Variants in RNF150 observed in about 807,000 individuals in gnomAD.
RNF150 encodes ring finger protein 150.
A neutral mutation model predicts 39.3 loss-of-function variants in RNF150; 24 were observed. The ratio of observed to expected loss-of-function variants is 0.61; its 90% CI spans 0.44 to 0.86. The LOEUF (loss-of-function observed/expected upper bound fraction) is 0.86. Ranked by LOEUF, RNF150 falls within the 40% of genes least tolerant of loss-of-function variation. The pLI is 0.00. For missense variants in RNF150, 502 were observed against 587.8 expected, an observed-to-expected ratio of 0.85 and a Z score of 1.51; for synonymous variants, 255 against 227.3, an observed-to-expected ratio of 1.12 and a Z score of -1.10.
chr4:140,875,358 A>G (rs1031569969), intron 6 of RNF150, among the ~76,000 whole-genome samples: 1 of 151,844 alleles, frequency 6.6e-6, no homozygotes, highest in Non-Finnish European at 1.5e-5. Flanking sequence ...ATTTTTTTTC[A>G]TACAGATGGA....
chr4:141,001,160 T>G (rs1292245049), intron 1 of RNF150, among the ~76,000 whole-genome samples: 1 of 152,166 alleles, frequency 6.6e-6, no homozygotes, highest in Non-Finnish European at 1.5e-5. Flanking sequence ...ATCTTCTCAT[T>G]TATGCCTATC....
At chr4:140,990,674 T>G (rs1259920830) in intron 1 of RNF150, among the ~76,000 whole-genome samples, 1 of 152,234 alleles carries the variant, frequency 6.6e-6, no homozygotes, top group Admixed American at 6.5e-5. Flanking sequence ...TCTCGTTCCT[T>G]TTTATGGCTA....
intron 1 of RNF150, among the ~76,000 whole-genome samples, chr4:141,130,763 T>C (rs890415132): frequency 2.7e-5 from 4 of 149,784 alleles, no homozygotes; most frequent in Non-Finnish European, 5.9e-5. Flanking sequence ...TTAAGTAACA[T>C]GTTTATCTAA....
At chr4:141,199,968 G>A (rs28527364) in intron 1 of RNF150, among the ~76,000 whole-genome samples, 2,076 of 152,114 alleles carry the variant, frequency 0.014, 41 homozygotes, top group African/African-American at 0.044. Flanking sequence ...ACATATATAT[G>A]TGCATATATA....
intron 1 of RNF150, among the ~76,000 whole-genome samples, chr4:140,980,599 G>A (rs1325809125): frequency 6.6e-6 from 1 of 152,002 alleles, no homozygotes; most frequent in African/African-American, 2.4e-5. Flanking sequence ...TGAATCATGT[G>A]GGCAGTTTCC....
chr4:141,045,469 T>C (rs918070247), intron 1 of RNF150, among the ~76,000 whole-genome samples: 2 of 152,220 alleles, frequency 1.3e-5, no homozygotes, highest in Admixed American at 1.3e-4. Context: ...ACAGGTTTAC[T>C]GACTCTTTTA....
intron 1 of RNF150, among the ~76,000 whole-genome samples, chr4:141,046,394 A>G (rs1736577541): frequency 6.6e-6 from 1 of 152,172 alleles, no homozygotes; most frequent in South Asian, 2.1e-4. Context: ...GTTTGGGGCA[A>G]GTTATGTAAA....
At chr4:141,194,927 A>G (rs1459212856) in intron 1 of RNF150, among the ~76,000 whole-genome samples, 1 of 152,206 alleles carries the variant, frequency 6.6e-6, no homozygotes, top group East Asian at 1.9e-4. Context: ...CATGAGGATT[A>G]AATGAGTTAA....
chr4:141,073,419 C>T (rs529757269), intron 1 of RNF150, among the ~76,000 whole-genome samples: 87 of 152,154 alleles, frequency 5.7e-4, no homozygotes, highest in Non-Finnish European at 1.0e-3. Context: ...TATCTGCTTT[C>T]TGAGATCCCT....
chr4:141,023,213 A>G (rs1045789632), intron 1 of RNF150, among the ~76,000 whole-genome samples: 4 of 145,592 alleles, frequency 2.7e-5, no homozygotes, highest in African/African-American at 1.0e-4. Flanking sequence ...CACATAAAAA[A>G]GAAACTGGTG....
intron 1 of RNF150, among the ~76,000 whole-genome samples, chr4:141,121,206 C>T (rs1446671046): frequency 6.6e-6 from 1 of 152,130 alleles, no homozygotes; most frequent in Non-Finnish European, 1.5e-5. Context: ...TTCCTGAGCT[C>T]CCAGACCCTC....
intron 1 of RNF150, among the ~76,000 whole-genome samples, chr4:141,056,286 A>T (rs1393458528): frequency 1.3e-5 from 2 of 152,168 alleles, no homozygotes; most frequent in Non-Finnish European, 2.9e-5. Flanking sequence ...CTGTAACCCT[A>T]GCCCTTTCGG....
rs113623627 is a variant in RNF150, at chr4:141,132,313, T to C, written c.484+12A>G. The C allele has an allele frequency of 1.5e-5, 24 of 1,553,602 alleles. 1 individual carries two copies. Among genetic ancestry groups the C allele is most frequent in the Non-Finnish European group, 2.1e-5 (24 of 1,147,770 alleles). On this transcript the variant is annotated intron_variant, in intron 1 of 6. Transcript: ENST00000515673. This position sits in a 1 kb window ranked among gnomAD's most constrained non-coding sequence, Gnocchi z 4.9. ...GCCGGCTCCCCTCCCCCGCGCCCGC[T>C]GGGCCACTCACCCGCGTGGGGCATG...
intron 1 of RNF150, among the ~76,000 whole-genome samples, chr4:140,995,499 G>A (rs1028649356): frequency 2.6e-5 from 4 of 152,162 alleles, no homozygotes; most frequent in South Asian, 2.1e-4. Flanking sequence ...CATAGAAAGC[G>A]GCAGTAAATT....
At chr4:141,091,398 A>G (rs542887772) in intron 1 of RNF150, among the ~76,000 whole-genome samples, 2 of 152,350 alleles carry the variant, frequency 1.3e-5, no homozygotes, top group Admixed American at 1.3e-4. Flanking sequence ...AAATGACAAC[A>G]TGATATTTGC....
chr4:140,940,146 G>T (rs768459021), intron 4 of RNF150, among the ~76,000 whole-genome samples: 1 of 152,132 alleles, frequency 6.6e-6, no homozygotes. Context: ...AGGATCTGGG[G>T]TGCCTCCTCT....
chr4:141,101,982 A>G (rs1739028707), intron 1 of RNF150, among the ~76,000 whole-genome samples: 1 of 151,968 alleles, frequency 6.6e-6, no homozygotes, highest in Admixed American at 6.6e-5. Flanking sequence ...GGATTTCACC[A>G]TGTTGGCCAG....
At chr4:140,964,703 C>G (rs1331941239) in intron 2 of RNF150, among the ~76,000 whole-genome samples, 1 of 151,824 alleles carries the variant, frequency 6.6e-6, no homozygotes, top group Non-Finnish European at 1.5e-5. Flanking sequence ...CTAAATTATC[C>G]TATAAGTTTA....
chr4:141,092,907 A>T (rs889787098), intron 1 of RNF150, among the ~76,000 whole-genome samples: 8 of 151,982 alleles, frequency 5.3e-5, no homozygotes, highest in Admixed American at 1.3e-4. Context: ...CTTGTAAAAC[A>T]TGTCTGAGTA....
Sources: gnomAD v4.1 joint callset for allele counts (sites outside exome capture counted in the v4.1 genomes callset) on GRCh38, gnomAD v4.1.1 for gene constraint, Gnocchi (gnomAD v3.1) non-coding constraint, MANE v1.5 for transcripts, NCBI Gene and HGNC (gene_info 2026-07-23, HGNC 2026-07-21) for gene names.